SSR1: variants seen among roughly 807,000 people sequenced by gnomAD.
SSR1 encodes signal sequence receptor subunit 1.
Under a neutral mutation model 36.1 loss-of-function variants are expected in SSR1, and 13 were observed. The observed-to-expected ratio is 0.36, with a 90% CI of 0.23 to 0.57. SSR1 has a LOEUF of 0.57. SSR1 is among the 20% of genes least tolerant of loss of function. The pLI, the probability that SSR1 is intolerant of heterozygous loss-of-function variation, is 0.81. For synonymous variants in SSR1, 113 were observed against 118.9 expected, an observed-to-expected ratio of 0.95 and a Z score of 0.32; for missense variants, 291 against 338.5, an observed-to-expected ratio of 0.86 and a Z score of 1.10.
chr6:7,311,387 C>T (rs181565519), intron 1 of SSR1, among the ~76,000 whole-genome samples: 4 of 152,314 alleles, frequency 2.6e-5, no homozygotes, highest in African/African-American at 9.6e-5. Flanking sequence ...GGAAGGGAAG[C>T]GTGTTTTCAC....
intron 3 of SSR1, among the ~76,000 whole-genome samples, chr6:7,302,333 G>A (rs1359837671): frequency 6.6e-6 from 1 of 152,208 alleles, no homozygotes. Context: ...TGAACTGGGA[G>A]CCCTGACCAG....
chr6:7,304,275 C>A (rs1025704956), intron 2 of SSR1, among the ~76,000 whole-genome samples: 8 of 152,148 alleles, frequency 5.3e-5, no homozygotes, highest in Middle Eastern at 3.2e-3. Context: ...TGTAAATGGC[C>A]AAATAGCAGA....
chr6:7,282,247 T>C lies in SSR1; in HGVS notation c.*7617A>G, dbSNP rs940336537. The C allele has an allele frequency of 4.6e-5, 7 of 152,220 alleles. No homozygotes were observed. Among genetic ancestry groups the C allele is most frequent in the African/African-American group, 1.4e-4 (6 of 41,494 alleles). 9.4% of individuals were successfully genotyped at this position (152,220 alleles called of 1,614,324 possible). On this transcript the variant is annotated 3_prime_UTR_variant, in exon 8 of 8. Transcript: ENST00000244763. ...AAGGAAGCCAAGAACATAGGAGATA[T>C]TTTGACAAAACGGAAAAACAACAGA... is the stretch of plus-strand genomic sequence containing the variant.
In SSR1 at chr6:7,286,041, A is replaced by C. The variant is rs1006636609; in HGVS notation, c.*3823T>G. The C allele has an allele frequency of 2.0e-5, 3 of 152,226 alleles. No individual in the cohort carries two copies. Among genetic ancestry groups the C allele is most frequent in the African/African-American group, 7.2e-5 (3 of 41,448 alleles). 9.4% of individuals were successfully genotyped at this position (152,226 alleles called of 1,614,324 possible). On this transcript the variant is annotated 3_prime_UTR_variant, in exon 8 of 8. Transcript: ENST00000244763. ...ATGGAACCTTGAGCAAGCTACTTAA[A>C]TTCAGGTTTTGTCTATTCCATCTAC...
intron 2 of SSR1, 143 bp from the exon 3 acceptor site, chr6:7,303,780 G>A (rs540536883): frequency 2.0e-4 from 114 of 568,764 alleles, no homozygotes; most frequent in Non-Finnish European, 1.9e-4. Flanking sequence ...GAAGTCAGGA[G>A]CTCGAGACCA....
intron 7 of SSR1, among the ~76,000 whole-genome samples, chr6:7,290,671 C>T (rs966073157): frequency 1.3e-5 from 2 of 151,180 alleles, no homozygotes; most frequent in Non-Finnish European, 2.9e-5. Context: ...TCATTGATTT[C>T]GTATTGTTTT....
At chr6:7,309,754 G>A (rs1215978830) in intron 2 of SSR1, 163 bp downstream of exon 2, 1 of 632,736 alleles carries the variant, frequency 1.6e-6, no homozygotes. Flanking sequence ...CTGCCATGAT[G>A]GTAAGTTTCC....
rs531501817 is a variant in SSR1, at chr6:7,289,635, C to A, written c.*229G>T. ...GACCAACTGCTCACATACATACACA[C>A]GCACACACATAGATTTTAATGGTTT... is the stretch of plus-strand genomic sequence containing the variant. On this transcript the variant is annotated 3_prime_UTR_variant, in exon 8 of 8. Transcript: ENST00000244763. The A allele has an allele frequency of 1.9e-6, 1 of 524,638 alleles. No individual in the cohort carries two copies. The highest frequency in any genetic ancestry group is 4.3e-4 in the Middle Eastern group (1 of 2,350). 32.5% of individuals were successfully genotyped at this position (524,638 alleles called of 1,614,324 possible).
chr6:7,311,688 T>C (rs933714213), intron 1 of SSR1, among the ~76,000 whole-genome samples: 8 of 152,230 alleles, frequency 5.3e-5, no homozygotes, highest in African/African-American at 1.4e-4. Context: ...ACAATTTTAT[T>C]ATTTTAATGT....
In SSR1 at chr6:7,284,466, A is replaced by T. The variant is rs1757502616; in HGVS notation, c.*5398T>A. 1 of 152,204 alleles carries T rather than the reference A, an allele frequency of 6.6e-6. No individual in the cohort carries two copies. The highest frequency in any genetic ancestry group is 2.4e-5 in the African/African-American group (1 of 41,448). The allele number at this position is 152,204 out of a possible 1,614,324, so 9.4% of individuals were successfully genotyped here. A position where few individuals can be genotyped will look rare whatever the true frequency, so the allele number is the denominator to read the frequency against. On this transcript the variant is annotated 3_prime_UTR_variant, in exon 8 of 8. Coordinates refer to ENST00000244763, the MANE Select transcript of SSR1 (RefSeq NM_003144.5). ...CTACTACCCCACCACATCAAAGTCC[A>T]TAAGGTACCATATACTCTTCCCCGC...
rs1163995048 is a variant in SSR1, at chr6:7,313,124, G to C, written c.-4C>G. 1.2e-6 allele frequency: 2 copies of C among 1,602,138 alleles called. No homozygotes were observed. Among genetic ancestry groups the C allele is most frequent in the East Asian group, 2.3e-5 (1 of 43,742 alleles). On this transcript the variant is annotated 5_prime_UTR_variant, in exon 1 of 8. Coordinates refer to ENST00000244763, the MANE Select transcript of SSR1 (RefSeq NM_003144.5). ...GCAAGCGGGGGAGGAGTCTCATGGC[G>C]CTGCCGGTCCAGTGTCCAGTTTCCG...
chr6:7,291,456 G>A lies in SSR1; in HGVS notation c.794-1525C>T, dbSNP rs116186807. Among the ~76,000 whole-genome samples, 668 of 152,136 alleles carry A rather than the reference G, an allele frequency of 4.4e-3. 8 individuals are homozygous for A. The highest frequency in any genetic ancestry group is 0.015 in the African/African-American group (631 of 41,518). The stretch of plus-strand genomic sequence containing the variant: ...TTAAGACAGAGCCTACATATCACAG[G>A]AAAACTGCCCTCACTTTTCAAGTGT... On this transcript the variant is annotated intron_variant, in intron 7 of 7. Transcript: ENST00000244763.
At chr6:7,304,323 T>C (rs1243334130) in intron 2 of SSR1, among the ~76,000 whole-genome samples, 2 of 152,210 alleles carry the variant, frequency 1.3e-5, no homozygotes, top group South Asian at 2.1e-4. Context: ...CTTGCAACTA[T>C]TCAACTCAAC....
intron 7 of SSR1, among the ~76,000 whole-genome samples, chr6:7,291,581 C>T (rs1220991753): frequency 1.3e-5 from 2 of 152,134 alleles, no homozygotes; most frequent in African/African-American, 4.8e-5. Context: ...GCTGTGAGTA[C>T]AGACAAATGT....
chr6:7,289,831 A>C lies in SSR1; in HGVS notation c.*33T>G. On this transcript the variant is annotated 3_prime_UTR_variant, in exon 8 of 8. Transcript: ENST00000244763. ...AGGCCGAAAAATATTAGGGCAGGTT[A>C]AGTAAAGACCGAATTGTTGCACAAA... is the stretch of plus-strand genomic sequence containing the variant. The C allele has an allele frequency of 1.3e-6, 2 of 1,563,712 alleles. No homozygotes were observed. The highest frequency in any genetic ancestry group is 1.7e-6 in the Non-Finnish European group (2 of 1,160,364).
At chr6:7,294,843 C>T (rs1757759544) in intron 7 of SSR1, among the ~76,000 whole-genome samples, 1 of 152,020 alleles carries the variant, frequency 6.6e-6, no homozygotes, top group Non-Finnish European at 1.5e-5. Flanking sequence ...AGAAACATTT[C>T]TATATTCTTT....
At chr6:7,303,198 G>A (rs1757978847) in intron 3 of SSR1, among the ~76,000 whole-genome samples, 1 of 126,484 alleles carries the variant, frequency 7.9e-6, no homozygotes, top group Non-Finnish European at 1.6e-5. Context: ...GTTTAAAGAA[G>A]TTTTAAAACA....
At chr6:7,303,272 A>G (rs1457238737) in intron 3 of SSR1, among the ~76,000 whole-genome samples, 1 of 151,306 alleles carries the variant, frequency 6.6e-6, no homozygotes, top group Non-Finnish European at 1.5e-5. Flanking sequence ...GGTTGCAGTG[A>G]GTCGAGAGGG....
In SSR1 at chr6:7,310,034, T is replaced by C. The variant is rs372872844; in HGVS notation, c.80-5A>G. ...CTTGTGCCACTGCTAACAAGCCTAA[T>C]GATAAAATACAGAAAAAGCAGTTAC... On this transcript the variant is annotated splice_polypyrimidine_tract_variant and splice_region_variant and intron_variant, in intron 1 of 7. Coordinates refer to ENST00000244763, the MANE Select transcript of SSR1 (RefSeq NM_003144.5). 2 of 1,604,446 alleles carry C rather than the reference T, an allele frequency of 1.2e-6. No individual in the cohort carries two copies. The highest frequency in any genetic ancestry group is 1.3e-5 in the African/African-American group (1 of 74,628).
Sources: allele counts gnomAD v4.1 joint callset (sites outside exome capture counted in the v4.1 genomes callset), GRCh38; gene constraint gnomAD v4.1.1; transcripts MANE v1.5; gene names NCBI Gene and HGNC (gene_info 2026-07-23, HGNC 2026-07-21).